Variants in STX17 observed in about 807,000 individuals in gnomAD.
STX17 encodes the protein syntaxin 17.
A neutral mutation model predicts 35.9 loss-of-function variants in STX17; 29 were observed. That is an observed-to-expected ratio of 0.81 (90% CI 0.60 to 1.10). The LOEUF is 1.10. Among genes scored for constraint, STX17 ranks in the 50% least tolerant of loss-of-function variants. The pLI, the probability that STX17 is intolerant of heterozygous loss-of-function variation, is 0.00. For missense variants in STX17, 312 were observed against 352.3 expected (o/e 0.89, Z 0.92); for synonymous variants, 92 against 118.3 (o/e 0.78, Z 1.44).
chr9:99,914,387 A>G (rs1828724634), intron 1 of STX17, among the ~76,000 whole-genome samples: 1 of 152,210 alleles, frequency 6.6e-6, no homozygotes, highest in Admixed American at 6.5e-5. Context: ...TCTACAACTG[A>G]AGTAGGGAGT....
In STX17 at chr9:99,957,948, C is replaced by A. The variant is rs527270667; in HGVS notation, c.416-1969C>A. Among the ~76,000 whole-genome samples the A allele has an allele frequency of 2.6e-5, 4 of 152,240 alleles. No homozygotes were observed. In the East Asian group the frequency reaches 7.7e-4, roughly 29 times the overall value. On this transcript the variant is annotated intron_variant, in intron 4 of 7. Transcript: ENST00000259400. The stretch of plus-strand genomic sequence containing the variant: ...AACTGCATCCTTAATGTGTTTCTTA[C>A]ACGGTGGCTATAGTTTTCTCTGTAA...
In STX17 at chr9:99,970,619, A is replaced by G. The variant is rs889404945; in HGVS notation, c.*1946A>G. 3.3e-5 allele frequency among the ~76,000 whole-genome samples: 5 copies of G among 152,230 alleles called. No homozygotes were observed. Among genetic ancestry groups the G allele is most frequent in the African/African-American group, 1.2e-4 (5 of 41,462 alleles). On this transcript the variant is annotated 3_prime_UTR_variant, in exon 8 of 8. Coordinates refer to ENST00000259400, the MANE Select transcript of STX17 (RefSeq NM_017919.3). ...CCTCAGTTCCAGGGGTAATTCTGAC[A>G]TCACCCGTCCAGCATAGTCAGCTGA...
chr9:99,972,929 G>C lies in STX17; in HGVS notation c.*4256G>C, dbSNP rs1230675240. Among the ~76,000 whole-genome samples, 1 of 152,162 alleles carries C rather than the reference G, an allele frequency of 6.6e-6. No homozygotes were observed. Among genetic ancestry groups the C allele is most frequent in the Non-Finnish European group, 1.5e-5 (1 of 68,030 alleles). On this transcript the variant is annotated 3_prime_UTR_variant, in exon 8 of 8. Transcript: ENST00000259400. ...GTTCACAGGTACTTAACGAATGTTAGATGATGTTCTTAAGTAATCAGAGGC... is the reference window on the plus strand; with the variant it reads ...GTTCACAGGTACTTAACGAATGTTACATGATGTTCTTAAGTAATCAGAGGC...
At chr9:99,928,879 G>GA in intron 3 of STX17, 36 bp downstream of exon 3, 1 of 1,588,836 alleles carries the variant, frequency 6.3e-7, no homozygotes, top group Non-Finnish European at 8.6e-7. Flanking sequence ...AAATCAGTAT[G>GA]AAAAAGACAG....
intron 2 of STX17, among the ~76,000 whole-genome samples, chr9:99,919,150 G>A (rs1436788560): frequency 6.6e-6 from 1 of 152,074 alleles, no homozygotes; most frequent in African/African-American, 2.4e-5. Context: ...GCAGTTACTC[G>A]GGCAAGTATA....
At chr9:99,961,345 G>A (rs1451144642) in intron 6 of STX17, among the ~76,000 whole-genome samples, 1 of 152,186 alleles carries the variant, frequency 6.6e-6, no homozygotes, top group East Asian at 1.9e-4. Context: ...CAATACCAGT[G>A]TAAAGGTAAA....
At chr9:99,940,334 T>C (rs959270417) in intron 3 of STX17, among the ~76,000 whole-genome samples, 6 of 151,984 alleles carry the variant, frequency 3.9e-5, no homozygotes, top group Non-Finnish European at 5.9e-5. Flanking sequence ...TTTTACCACG[T>C]TGGCCAGGCT....
Position 99,908,622 on chromosome 9 carries a change from T to C in STX17, c.-63+1916T>C, listed in dbSNP as rs1828599834. Among the ~76,000 whole-genome samples the C allele has an allele frequency of 2.0e-5, 3 of 152,182 alleles. No homozygotes were observed. The South Asian group carries it at 6.2e-4, about 32-fold the overall frequency. ...CAGCATGCTTCCATCCTTTTTTTTC[T>C]TTTTTGGAACTTCCTAATTTTCTGG... is the stretch of plus-strand genomic sequence containing the variant. On this transcript the variant is annotated intron_variant, in intron 1 of 7. Coordinates refer to ENST00000259400, the MANE Select transcript of STX17 (RefSeq NM_017919.3).
intron 3 of STX17, among the ~76,000 whole-genome samples, chr9:99,941,888 T>C (rs556185895): frequency 6.6e-6 from 1 of 152,350 alleles, no homozygotes; most frequent in South Asian, 2.1e-4. Flanking sequence ...TTCCATTCTG[T>C]GGATGGACAT....
chr9:99,966,331 G>A (rs534124723), intron 6 of STX17, among the ~76,000 whole-genome samples: 37 of 152,326 alleles, frequency 2.4e-4, no homozygotes, highest in African/African-American at 5.8e-4. Context: ...CCACAATGGC[G>A]AAGATAGACA....
At chr9:99,944,681 A>AT (rs1360660741) in intron 3 of STX17, among the ~76,000 whole-genome samples, 1 of 151,574 alleles carries the variant, frequency 6.6e-6, no homozygotes, top group Admixed American at 6.6e-5. Flanking sequence ...CACCCGGCTA[A>AT]TTTTTTGTAT....
At chr9:99,923,535 C>A (rs763862974) in intron 2 of STX17, among the ~76,000 whole-genome samples, 3 of 152,144 alleles carry the variant, frequency 2.0e-5, no homozygotes, top group Non-Finnish European at 4.4e-5. Context: ...CTTCTGTGAC[C>A]AAATGTGTGT....
chr9:99,928,775 T>C lies in STX17; in HGVS notation c.124-3T>C. 1.9e-6 allele frequency: 3 copies of C among 1,611,476 alleles called. No individual in the cohort carries two copies. On this transcript the variant is annotated splice_polypyrimidine_tract_variant and splice_region_variant and intron_variant, in intron 2 of 7. Transcript: ENST00000259400. ...TAATACCTCCCTTCTTTCTTTTATA[T>C]AGTATCAAAGGTGCAGAATCTGGGA...
rs1829802121 is a variant in STX17 at position 99,960,260 on chromosome 9, T to C, written c.582+105T>C. 3.5e-6 allele frequency: 4 copies of C among 1,159,014 alleles called. No individual in the cohort carries two copies. The East Asian group carries it at 9.8e-5, about 28-fold the overall frequency. The allele number at this position is 1,159,014 out of a possible 1,614,324, so 71.8% of individuals were successfully genotyped here. A position where few individuals can be genotyped will look rare whatever the true frequency, so the allele number is the denominator to read the frequency against. On this transcript the variant is annotated intron_variant, in intron 6 of 7. Coordinates refer to ENST00000259400, the MANE Select transcript of STX17 (RefSeq NM_017919.3). ...AGAATTTTAATAGAACTTATAATTT[T>C]TAAGACTGGTATTAAGCCATAGATA...
In STX17 at chr9:99,969,541, A is replaced by G. The variant is rs1239593277; in HGVS notation, c.*868A>G. 6.6e-6 allele frequency: 1 copy of G among 152,266 alleles called. No individual in the cohort carries two copies. The highest frequency in any genetic ancestry group is 1.5e-5 in the Non-Finnish European group (1 of 68,040). 9.4% of individuals were successfully genotyped at this position (152,266 alleles called of 1,614,324 possible). On this transcript the variant is annotated 3_prime_UTR_variant, in exon 8 of 8. Transcript: ENST00000259400. ...TCATCCCTTCCTATAACCTCTAGGT[A>G]AAAAGAAAAGAAAAAAAGAAATTTC...
intron 1 of STX17, among the ~76,000 whole-genome samples, chr9:99,914,828 A>G (rs1373774098): frequency 6.6e-6 from 1 of 152,180 alleles, no homozygotes; most frequent in East Asian, 1.9e-4. Context: ...AGCTTTTTTA[A>G]AAGTATTTAT....
At chr9:99,928,522 C>T (rs1829036254) in intron 2 of STX17, among the ~76,000 whole-genome samples, 1 of 152,026 alleles carries the variant, frequency 6.6e-6, no homozygotes, top group African/African-American at 2.4e-5. Context: ...AAAATACATA[C>T]TCTTTTTCAG....
In STX17 at chr9:99,974,026, T is replaced by C. The variant is rs1830061248; in HGVS notation, c.*5353T>C. On this transcript the variant is annotated 3_prime_UTR_variant, in exon 8 of 8. Transcript: ENST00000259400. The stretch of plus-strand genomic sequence containing the variant: ...TTACTTTATAATAGTCAGCTGGGGG[T>C]TATTTAAGCTCTTGGACGAGCCTAA... 6.6e-6 allele frequency among the ~76,000 whole-genome samples: 1 copy of C among 152,202 alleles called. No homozygotes were observed. The highest frequency in any genetic ancestry group is 1.5e-5 in the Non-Finnish European group (1 of 68,034).
At chr9:99,967,347 T>C (rs770797225) in intron 6 of STX17, 5 of 197,478 alleles carry the variant, frequency 2.5e-5, no homozygotes, top group Non-Finnish European at 4.2e-5. Context: ...ATTTGGATTT[T>C]TTTTTTCTGG....
Sources: gnomAD v4.1 joint callset for allele counts (sites outside exome capture counted in the v4.1 genomes callset) on GRCh38, gnomAD v4.1.1 for gene constraint, MANE v1.5 for transcripts, NCBI Gene and HGNC (gene_info 2026-07-23, HGNC 2026-07-21) for gene names.